The following ABLIM1 variants were observed in gnomAD, a reference collection of about 807,000 sequenced individuals.
The protein encoded by ABLIM1 is actin binding LIM protein 1, also known as actin-binding LIM protein 1.
In ABLIM1, 40 loss-of-function variants were observed where a neutral mutation model predicts 107.0. The ratio of observed to expected loss-of-function variants is 0.37; its 90% CI spans 0.29 to 0.49. The LOEUF (loss-of-function observed/expected upper bound fraction) is 0.49, where lower values mean the gene tolerates loss of function less well. Ranked by LOEUF, ABLIM1 falls within the 20% of genes least tolerant of loss-of-function variation. The pLI is 0.97. For missense variants in ABLIM1, 857 were observed against 1,008.5 expected (o/e 0.85, Z 2.04); for synonymous variants, 357 against 357.3 (o/e 1.00, Z 0.01).
chr10:114,461,388 G>A (rs2063859921), intron 12 of ABLIM1, among the ~76,000 whole-genome samples: 1 of 116,086 alleles, frequency 8.6e-6, no homozygotes, highest in Non-Finnish European at 1.7e-5. Context: ...ATACACAACT[G>A]AAGGGTTTTT....
At chr10:114,711,571 A>C (rs1198365139) in intron 1 of ABLIM1, among the ~76,000 whole-genome samples, 2 of 152,180 alleles carry the variant, frequency 1.3e-5, no homozygotes, top group Non-Finnish European at 2.9e-5. Flanking sequence ...AACTTGAAAA[A>C]GGTTTAACAA....
chr10:114,611,607 C>T (rs1346835127), intron 1 of ABLIM1, among the ~76,000 whole-genome samples: 2 of 152,170 alleles, frequency 1.3e-5, no homozygotes, highest in Non-Finnish European at 2.9e-5. Flanking sequence ...ATTATAGAAA[C>T]AGCTTCTGCT....
chr10:114,792,340 C>T, the ABLIM1 span, among the ~76,000 whole-genome samples: 31 of 152,058 alleles, frequency 2.0e-4, no homozygotes, highest in Non-Finnish European at 3.5e-4. Flanking sequence ...AGAATCTTGC[C>T]CAAGGACACA....
intron 6 of ABLIM1, among the ~76,000 whole-genome samples, chr10:114,495,379 A>ATGGTGATGATGG (rs1310020406): frequency 1.3e-5 from 2 of 152,050 alleles, no homozygotes; most frequent in Non-Finnish European, 2.9e-5. Flanking sequence ...AGAGATGATG[A>ATGGTGATGATGG]TGGTGATGAT....
chr10:114,509,401 C>T (rs371611936), intron 6 of ABLIM1, among the ~76,000 whole-genome samples: 1 of 152,230 alleles, frequency 6.6e-6, no homozygotes, highest in South Asian at 2.1e-4. Flanking sequence ...CCCCTTGTCC[C>T]ACCAGTCGGT....
At position 114,668,019 on chromosome 10, in the gene ABLIM1, C is replaced by G. The variant is rs1383467996; in HGVS notation, c.64+16271G>C. ...GCCAGTGTTGACACCATGTCATTGACTGGGAGGGGGTGTGGTTGGGGGGTC... is the reference window on the plus strand; with the variant it reads ...GCCAGTGTTGACACCATGTCATTGAGTGGGAGGGGGTGTGGTTGGGGGGTC... On this transcript the variant is annotated intron_variant, in intron 1 of 23. Transcript: ENST00000369256. Among the ~76,000 whole-genome samples the G allele has an allele frequency of 4.0e-5, 6 of 150,112 alleles. No homozygotes were observed. In the East Asian group the frequency reaches 1.2e-3, roughly 29 times the overall value.
At chr10:114,614,851 G>A (rs184732167) in intron 1 of ABLIM1, among the ~76,000 whole-genome samples, 1 of 152,074 alleles carries the variant, frequency 6.6e-6, no homozygotes, top group East Asian at 1.9e-4. Flanking sequence ...GTTGGGACGA[G>A]ACCAGTCTGA....
intron 6 of ABLIM1, among the ~76,000 whole-genome samples, chr10:114,519,783 T>C (rs2063455197): frequency 6.6e-6 from 1 of 152,202 alleles, no homozygotes; most frequent in South Asian, 2.1e-4. Flanking sequence ...TCACTGGTCC[T>C]ACCCCCAGTG....
intron 1 of ABLIM1, among the ~76,000 whole-genome samples, chr10:114,703,074 C>T (rs190707331): frequency 8.8e-4 from 134 of 152,234 alleles, no homozygotes; most frequent in Non-Finnish European, 7.4e-4. Flanking sequence ...AAATTCTACA[C>T]TACATATAAT....
intron 1 of ABLIM1, among the ~76,000 whole-genome samples, chr10:114,750,926 G>A (rs1449558805): frequency 6.6e-6 from 1 of 152,174 alleles, no homozygotes; most frequent in Non-Finnish European, 1.5e-5. Context: ...AATTGAGTAG[G>A]ATGTTGTATA....
At chr10:114,482,022 T>C (rs2057451207) in intron 8 of ABLIM1, among the ~76,000 whole-genome samples, 1 of 152,224 alleles carries the variant, frequency 6.6e-6, no homozygotes, top group African/African-American at 2.4e-5. Flanking sequence ...ACCCATTTTG[T>C]AGGTCAGTCA....
chr10:114,469,173 T>C (rs2065941070), intron 10 of ABLIM1, among the ~76,000 whole-genome samples: 2 of 152,154 alleles, frequency 1.3e-5, no homozygotes, highest in Admixed American at 1.3e-4. Context: ...CATTTTACTA[T>C]GATGAGTTAC....
intron 1 of ABLIM1, among the ~76,000 whole-genome samples, chr10:114,607,545 T>C (rs192131100): frequency 1.3e-5 from 2 of 152,200 alleles, no homozygotes; most frequent in Non-Finnish European, 2.9e-5. Flanking sequence ...CCCAGCCACA[T>C]GAGCAAGGTA....
rs10628347 is a variant in ABLIM1 at position 114,728,516 on chromosome 10, TAA to T, written c.-213+39543_-213+39544del. On this transcript the variant is annotated intron_variant, in intron 1 of 15. Transcript: ENST00000651092. ...ATAGTCATAAAATACGATAAGGCAG[TAA>T]AAAAAAAAAAAAAAAGAGTGAGCTA... Among the ~76,000 whole-genome samples the T allele has an allele frequency of 7.6e-3, 685 of 90,616 alleles. 9 individuals are homozygous for T. Among genetic ancestry groups the T allele is most frequent in the African/African-American group, 0.028 (613 of 21,534 alleles). 59.4% of individuals were successfully genotyped at this position (90,616 alleles called of 152,430 possible). A position where few individuals can be genotyped will look rare whatever the true frequency, so the allele number is the denominator to read the frequency against.
At chr10:114,749,450 CCACACACA>C (rs151201319) in intron 1 of ABLIM1, among the ~76,000 whole-genome samples, 29 of 141,488 alleles carry the variant, frequency 2.0e-4, no homozygotes, top group African/African-American at 7.2e-4. Context: ...AACACACACA[CCACACACA>C]CACACACACA....
intron 12 of ABLIM1, among the ~76,000 whole-genome samples, chr10:114,463,965 A>G (rs980206545): frequency 5.3e-5 from 8 of 152,224 alleles, no homozygotes; most frequent in Admixed American, 5.2e-4. Context: ...AGAAGATTCT[A>G]AAGTCTATTG....
intron 1 of ABLIM1, among the ~76,000 whole-genome samples, chr10:114,697,486 C>T (rs540318396): frequency 3.9e-5 from 6 of 152,330 alleles, no homozygotes; most frequent in South Asian, 2.1e-4. Flanking sequence ...CCACTCAGCC[C>T]GGGGCAGTGG....
At chr10:114,644,304 A>ATACATAT (rs1212376695) in intron 1 of ABLIM1, among the ~76,000 whole-genome samples, 1 of 57,100 alleles carries the variant, frequency 1.8e-5, no homozygotes, top group Non-Finnish European at 3.4e-5. Flanking sequence ...AAAAAAAAAA[A>ATACATAT]AAATATATAT....
At chr10:114,676,879 G>A (rs550777171) in intron 1 of ABLIM1, among the ~76,000 whole-genome samples, 11 of 152,208 alleles carry the variant, frequency 7.2e-5, no homozygotes, top group East Asian at 5.8e-4. Flanking sequence ...GGGAGTACAG[G>A]CGTGCACCAG....
Sources: gnomAD v4.1 joint callset for allele counts (sites outside exome capture counted in the v4.1 genomes callset) on GRCh38, gnomAD v4.1.1 for gene constraint, MANE v1.5 for transcripts, NCBI Gene and HGNC (gene_info 2026-07-23, HGNC 2026-07-21) for gene names.